The following SLC37A1 variants were observed in gnomAD, a reference collection of about 807,000 sequenced individuals.
SLC37A1 encodes the protein solute carrier family 37 member 1, also known as glucose-6-phosphate exchanger SLC37A1.
A neutral mutation model predicts 75.3 loss-of-function variants in SLC37A1; 49 were observed. That is an observed-to-expected ratio of 0.65 (90% CI 0.52 to 0.83). The LOEUF (loss-of-function observed/expected upper bound fraction) is 0.83. SLC37A1 is among the 40% of genes least tolerant of loss of function. SLC37A1 has a pLI of 0.00. For synonymous variants in SLC37A1, 268 were observed against 292.1 expected (o/e 0.92, Z 0.84); for missense variants, 566 against 695.0 (o/e 0.81, Z 2.09).
intron 14 of SLC37A1, 123 bp downstream of exon 14, chr21:42,564,916 C>T (rs2055936599): frequency 1.2e-6 from 1 of 836,698 alleles, no homozygotes; most frequent in South Asian, 1.6e-5. Flanking sequence ...GCTTCATTCC[C>T]TCTCATGCCT....
intron 15 of SLC37A1, among the ~76,000 whole-genome samples, chr21:42,566,432 G>A (rs910957206): frequency 3.9e-5 from 6 of 152,260 alleles, no homozygotes; most frequent in African/African-American, 1.4e-4. Flanking sequence ...TGAACACCCT[G>A]CAGGCAGCGC....
chr21:42,556,027 C>T (rs903905533), intron 10 of SLC37A1, among the ~76,000 whole-genome samples: 7 of 152,192 alleles, frequency 4.6e-5, no homozygotes, highest in African/African-American at 4.8e-5. Flanking sequence ...AGCCCCTGAC[C>T]TCCACTCCTT....
chr21:42,530,648 A>AC (rs2054935328), intron 3 of SLC37A1, among the ~76,000 whole-genome samples: 12 of 27,656 alleles, frequency 4.3e-4, no homozygotes, highest in Admixed American at 2.8e-3. Context: ...ACACACACAC[A>AC]CACACACCCC....
At chr21:42,564,011 C>A in intron 13 of SLC37A1, 134 bp downstream of exon 13, 1 of 975,374 alleles carries the variant, frequency 1.0e-6, no homozygotes, top group South Asian at 1.5e-5. Context: ...CCAAGAGGGT[C>A]AGGCCGTCAC....
chr21:42,525,127 AC>A, intron 2 of SLC37A1, among the ~76,000 whole-genome samples: 1 of 152,220 alleles, frequency 6.6e-6, no homozygotes, highest in Non-Finnish European at 1.5e-5. Flanking sequence ...TGGCGAGGGC[AC>A]AGCAGCTCCG....
intron 17 of SLC37A1, among the ~76,000 whole-genome samples, chr21:42,572,690 AAG>A (rs397797561): frequency 8.8e-4 from 129 of 146,224 alleles, no homozygotes; most frequent in Non-Finnish European, 1.7e-3. Flanking sequence ...AAAAAAAAAA[AAG>A]AGTGTGTCCT....
At chr21:42,523,322 G>A (rs1248584435) in intron 2 of SLC37A1, among the ~76,000 whole-genome samples, 1 of 152,208 alleles carries the variant, frequency 6.6e-6, no homozygotes, top group South Asian at 2.1e-4. Flanking sequence ...AGTGAGGGCC[G>A]ATCAGGGTCA....
intron 6 of SLC37A1, among the ~76,000 whole-genome samples, chr21:42,542,186 A>C (rs1020803839): frequency 6.6e-6 from 1 of 152,148 alleles, no homozygotes; most frequent in East Asian, 1.9e-4. Flanking sequence ...CACAATAGGC[A>C]TGCATTGCTT....
intron 15 of SLC37A1, 52 bp from the exon 16 acceptor site, chr21:42,566,933 C>A: frequency 6.4e-7 from 1 of 1,568,030 alleles, no homozygotes; most frequent in Admixed American, 1.8e-5. Context: ...CCTATGCATG[C>A]GGGGCTCTCT....
Position 42,518,377 on chromosome 21 carries a change from A to T in SLC37A1, c.-78A>T. On this transcript the variant is annotated 5_prime_UTR_variant, in exon 2 of 20. Coordinates refer to ENST00000352133, the MANE Select transcript of SLC37A1 (RefSeq NM_001320537.2). ...GAGCGGCAGGGGCAACAGAGAGAGG[A>T]TCTGGAGCCAGGATTAATGACTCAT... 1 of 1,570,500 alleles carries T rather than the reference A, an allele frequency of 6.4e-7. No individual in the cohort carries two copies. Among genetic ancestry groups the T allele is most frequent in the Non-Finnish European group, 8.8e-7 (1 of 1,141,176 alleles).
chr21:42,543,363 C>G (rs189390182), intron 7 of SLC37A1, 73 bp from the exon 8 acceptor site: 107 of 1,572,676 alleles, frequency 6.8e-5, no homozygotes, highest in Non-Finnish European at 9.4e-5. Flanking sequence ...GCAGGCACTG[C>G]TGCGCCCTGC....
At chr21:42,578,767 C>T (rs2056358242) in intron 18 of SLC37A1, among the ~76,000 whole-genome samples, 1 of 152,190 alleles carries the variant, frequency 6.6e-6, no homozygotes, top group Admixed American at 6.5e-5. Flanking sequence ...TCACCTCATA[C>T]AAGGGACTCC....
intron 17 of SLC37A1, among the ~76,000 whole-genome samples, chr21:42,572,698 G>A (rs969811634): frequency 5.5e-5 from 2 of 36,066 alleles, no homozygotes; most frequent in Non-Finnish European, 7.7e-5. Flanking sequence ...AAAAGAGTGT[G>A]TCCTGAGGTT....
In SLC37A1 at chr21:42,568,337, C is replaced by T. The variant is rs201757164; in HGVS notation, c.1345-23C>T. 8.1e-5 allele frequency: 129 copies of T among 1,601,226 alleles called. 1 individual carries two copies. In the African/African-American group the frequency reaches 1.4e-3, roughly 17 times the overall value. ...TTCTCATGCTGTGGCGATAACTGCA[C>T]GTCTGTTTTTCCTCTCTTCTAGGGG... On this transcript the variant is annotated intron_variant, in intron 16 of 19. Transcript: ENST00000352133.
upstream of SLC37A1, among the ~76,000 whole-genome samples, chr21:42,511,899 T>C (rs780064250): frequency 3.9e-5 from 6 of 152,122 alleles, no homozygotes; most frequent in Admixed American, 6.5e-5. Flanking sequence ...ATAATGGTGG[T>C]TACCAGGGGC....
At chr21:42,574,028 C>T (rs901561827) in intron 17 of SLC37A1, among the ~76,000 whole-genome samples, 4 of 152,092 alleles carry the variant, frequency 2.6e-5, no homozygotes, top group Non-Finnish European at 4.4e-5. Context: ...TGTTTTTACA[C>T]ACACACATGC....
chr21:42,566,191 G>A (rs1166329657), intron 15 of SLC37A1, among the ~76,000 whole-genome samples: 3 of 152,242 alleles, frequency 2.0e-5, no homozygotes, highest in Non-Finnish European at 4.4e-5. Context: ...CTGGGGCCTT[G>A]GTGGGGCTGG....
Position 42,552,798 on chromosome 21 carries a change from G to T in SLC37A1, c.769-1264G>T, listed in dbSNP as rs1267653109. Among the ~76,000 whole-genome samples, 2 of 152,306 alleles carry T rather than the reference G, an allele frequency of 1.3e-5. No homozygotes were observed. The highest frequency in any genetic ancestry group is 2.4e-5 in the African/African-American group (1 of 41,560). Reference sequence around the variant, plus strand: ...CACGTTCCTGGCTGAAAAGCAGGAAGAAGAGGGCCCGGGTGATGCTGGCAG... The same window carrying T: ...CACGTTCCTGGCTGAAAAGCAGGAATAAGAGGGCCCGGGTGATGCTGGCAG... On this transcript the variant is annotated intron_variant, in intron 9 of 19. Transcript: ENST00000352133. This position sits in a 1 kb window ranked among gnomAD's most constrained non-coding sequence, Gnocchi z 4.2.
intron 17 of SLC37A1, among the ~76,000 whole-genome samples, chr21:42,569,916 G>A (rs571842187): frequency 6.6e-6 from 1 of 152,378 alleles, no homozygotes; most frequent in South Asian, 2.1e-4. Context: ...GCCCAGCCCT[G>A]GGTGGCGGGA....
Sources: allele counts gnomAD v4.1 joint callset (sites outside exome capture counted in the v4.1 genomes callset), GRCh38; gene constraint gnomAD v4.1.1; non-coding constraint Gnocchi (gnomAD v3.1); transcripts MANE v1.5; gene names NCBI Gene and HGNC (gene_info 2026-07-23, HGNC 2026-07-21).